TMEM238L: variants seen among roughly 807,000 people sequenced by gnomAD.
TMEM238L encodes the protein transmembrane protein 238-like.
chr17:10,802,359 T>C (rs1343947446), intron 1 of TMEM238L: 1 of 152,148 alleles, frequency 6.6e-6, no homozygotes, highest in Non-Finnish European at 1.5e-5. Context: ...TTTCGATCCT[T>C]GCAGCAATAA....
At chr17:10,803,923 C>A in exon 1 of TMEM238L, 1 of 399,322 alleles carries the variant, frequency 2.5e-6, no homozygotes, top group Non-Finnish European at 4.4e-6. Flanking sequence ...GAGCGCACAG[C>A]GCCCTGGATG....
chr17:10,803,992 T>C, exon 1 of TMEM238L: 2 of 399,302 alleles, frequency 5.0e-6, no homozygotes, highest in Non-Finnish European at 8.8e-6. Flanking sequence ...GGAGCCCAGC[T>C]GCACTCCCGG....
At chr17:10,796,627 T>C (rs1161928291) in intron 1 of TMEM238L, among the ~76,000 whole-genome samples, 2 of 152,266 alleles carry the variant, frequency 1.3e-5, no homozygotes, top group African/African-American at 2.4e-5. Flanking sequence ...TCTGCCTAAC[T>C]GCCTTTCCTT....
At chr17:10,799,034 G>T (rs1425054983) in intron 1 of TMEM238L, among the ~76,000 whole-genome samples, 1 of 150,418 alleles carries the variant, frequency 6.6e-6, no homozygotes, top group Non-Finnish European at 1.5e-5. Flanking sequence ...CTTCCTGGGG[G>T]TGCCTTTGAG....
At chr17:10,801,498 C>T (rs1904745942) in intron 1 of TMEM238L, among the ~76,000 whole-genome samples, 1 of 152,128 alleles carries the variant, frequency 6.6e-6, no homozygotes, top group African/African-American at 2.4e-5. Flanking sequence ...TCCTGTTATC[C>T]CAGGACCTTT....
intron 1 of TMEM238L, among the ~76,000 whole-genome samples, chr17:10,796,754 A>G (rs1019674220): frequency 6.6e-6 from 1 of 151,984 alleles, no homozygotes; most frequent in African/African-American, 2.4e-5. Flanking sequence ...CCTTATTATT[A>G]CTGGGAACTT....
intron 1 of TMEM238L, among the ~76,000 whole-genome samples, chr17:10,799,918 C>T (rs1904680592): frequency 6.6e-6 from 1 of 151,856 alleles, no homozygotes; most frequent in Non-Finnish European, 1.5e-5. Context: ...TTTGAAACCT[C>T]CCTTGGAAAC....
intron 1 of TMEM238L, among the ~76,000 whole-genome samples, chr17:10,802,872 A>G (rs1327635020): frequency 6.6e-6 from 1 of 152,224 alleles, no homozygotes; most frequent in African/African-American, 2.4e-5. Flanking sequence ...CTTTGGTTGC[A>G]CGCGATAGAC....
intron 1 of TMEM238L, among the ~76,000 whole-genome samples, chr17:10,798,820 C>G (rs1381509435): frequency 1.3e-5 from 2 of 151,448 alleles, no homozygotes; most frequent in Non-Finnish European, 2.9e-5. Context: ...GGTGTGTAGT[C>G]TTGGACACCC....
At chr17:10,800,224 G>T (rs1035841346) in intron 1 of TMEM238L, among the ~76,000 whole-genome samples, 9 of 151,476 alleles carry the variant, frequency 5.9e-5, no homozygotes, top group Admixed American at 3.3e-4. Flanking sequence ...GAGCCACCAG[G>T]CCTGGCCGGA....
intron 1 of TMEM238L, among the ~76,000 whole-genome samples, chr17:10,803,076 G>T (rs569271619): frequency 2.6e-4 from 40 of 152,164 alleles, no homozygotes; most frequent in Non-Finnish European, 2.2e-4. Flanking sequence ...CCCGCTTCTT[G>T]TATCCCATCT....
rs549169945 is a variant in TMEM238L at position 10,796,301 on chromosome 17, C to T, written c.*119-353G>A. Among the ~76,000 whole-genome samples the T allele has an allele frequency of 6.6e-5, 10 of 152,352 alleles. 1 individual carries two copies. Among genetic ancestry groups the T allele is most frequent in the African/African-American group, 1.9e-4 (8 of 41,580 alleles). On this transcript the variant is annotated intron_variant, in intron 1 of 1. Transcript: ENST00000581851. ...AAGCCGATGCCTACCTCTCTCTGCT[C>T]TCTGGATTCTGCCTCAACCTCCACC... is the stretch of plus-strand genomic sequence containing the variant.
At position 10,803,842 on chromosome 17, in the gene TMEM238L, AG is replaced by A. The variant is rs1181362810; in HGVS notation, c.121del (p.Leu41Ter). The A allele has an allele frequency of 7.5e-6, 3 of 399,382 alleles. No individual in the cohort carries two copies. Among genetic ancestry groups the A allele is most frequent in the East Asian group, 7.1e-5 (2 of 28,068 alleles). The allele number at this position is 399,382 out of a possible 1,614,324, so 24.7% of individuals were successfully genotyped here. A position where few individuals can be genotyped will look rare whatever the true frequency, so the allele number is the denominator to read the frequency against. On this transcript the variant is annotated frameshift_variant, in exon 1 of 2. Transcript: ENST00000581851. LOFTEE classifies it high-confidence loss of function. ...GTAGATGAAGAAGTCCCAGGAACTC[AG>A]GGGGGCCAAGATCCCCAGCAGCAAA...
intron 1 of TMEM238L, among the ~76,000 whole-genome samples, chr17:10,799,673 A>G (rs1245672850): frequency 6.6e-6 from 1 of 152,234 alleles, no homozygotes; most frequent in East Asian, 1.9e-4. Flanking sequence ...TATAGGCCAA[A>G]GGTCGTAGGC....
chr17:10,799,471 G>A (rs1219747216), intron 1 of TMEM238L, among the ~76,000 whole-genome samples: 3 of 152,160 alleles, frequency 2.0e-5, no homozygotes, highest in Non-Finnish European at 4.4e-5. Flanking sequence ...GTGCTGGGAT[G>A]ACAGGCATGA....
chr17:10,795,515 G>A (rs1044101748), exon 2 of TMEM238L: 1 of 152,260 alleles, frequency 6.6e-6, no homozygotes, highest in South Asian at 2.1e-4. Context: ...TCTGTCCAAA[G>A]AGCCAGTGAG....
intron 1 of TMEM238L, among the ~76,000 whole-genome samples, chr17:10,801,009 G>T (rs1904724480): frequency 6.6e-6 from 1 of 151,612 alleles, no homozygotes; most frequent in Non-Finnish European, 1.5e-5. Flanking sequence ...ATTATGTTAA[G>T]CCCCTGCCTC....
At chr17:10,803,172 C>G (rs539543062) in intron 1 of TMEM238L, among the ~76,000 whole-genome samples, 2 of 152,222 alleles carry the variant, frequency 1.3e-5, no homozygotes, top group Admixed American at 6.5e-5. Flanking sequence ...AGTTCACACC[C>G]CTTCATGTAT....
intron 1 of TMEM238L, among the ~76,000 whole-genome samples, 173 bp downstream of exon 1, chr17:10,803,433 C>T (rs1196522399): frequency 6.6e-6 from 1 of 152,164 alleles, no homozygotes; most frequent in African/African-American, 2.4e-5. Context: ...AAACACCTGC[C>T]CCACGTCCTC....
Sources: allele counts gnomAD v4.1 joint callset (sites outside exome capture counted in the v4.1 genomes callset), GRCh38; gene constraint gnomAD v4.1.1; transcripts MANE v1.5; gene names NCBI Gene and HGNC (gene_info 2026-07-23, HGNC 2026-07-21).